The following SMG6 variants were observed in gnomAD, a reference collection of about 807,000 sequenced individuals.
SMG6 encodes telomerase-binding protein EST1A.
SMG6 carries 66 observed loss-of-function variants against 142.2 expected under a neutral mutation model. The ratio of observed to expected loss-of-function variants is 0.46; its 90% confidence interval spans 0.38 to 0.57. The LOEUF is 0.57. Among genes scored for constraint, SMG6 ranks in the 20% least tolerant of loss-of-function variants. The probability of loss-of-function intolerance (pLI) is 0.00; values close to 1 mark genes in which losing one functional copy is unlikely to be tolerated. For missense variants in SMG6, 1,793 were observed against 1,832.0 expected (o/e 0.98, Z 0.39); for synonymous variants, 779 against 702.4 (o/e 1.11, Z -1.72).
At chr17:2,188,727 C>G (rs1362454401) in intron 10 of SMG6, among the ~76,000 whole-genome samples, 1 of 152,172 alleles carries the variant, frequency 6.6e-6, no homozygotes, top group East Asian at 1.9e-4. Flanking sequence ...ATAAGGGTCA[C>G]CTCTGTCAAT....
chr17:2,231,666 C>T (rs1274590320), intron 10 of SMG6, among the ~76,000 whole-genome samples: 5 of 152,176 alleles, frequency 3.3e-5, no homozygotes, highest in Admixed American at 6.5e-5. Context: ...CACTGCACTC[C>T]AGCCTGGGCG....
At chr17:2,180,022 C>T (rs1200148139) in intron 12 of SMG6, among the ~76,000 whole-genome samples, 1 of 152,196 alleles carries the variant, frequency 6.6e-6, no homozygotes, top group African/African-American at 2.4e-5. Flanking sequence ...GATTTGGCCT[C>T]AGCAGAGACT....
chr17:2,300,057 G>T lies in SMG6; in HGVS notation c.696C>A (p.Asp232Glu). ...KGEGVRETHD[D>E]PARGRPGSAK... is the part of the protein sequence containing the mutation. ...CGGAGCCCGGCCTCCCGCGGGCTGG[G>T]TCGTCGTGGGTTTCCCTCACCCCCT... The change falls in exon 2 of 19, where the codon GAC (aspartate) becomes GAA (glutamate). Residue 232 changes from aspartate (D) to glutamate (E), a missense_variant. This residue lies in a region of SMG6 where 1,597 missense variants were observed against 1,584.6 expected (regional missense o/e 1.01). Coordinates refer to ENST00000263073, the MANE Select transcript of SMG6 (RefSeq NM_017575.5). 1 of 1,614,176 alleles carries T rather than the reference G, an allele frequency of 6.2e-7. No homozygotes were observed. The highest frequency in any genetic ancestry group is 8.5e-7 in the Non-Finnish European group (1 of 1,180,020).
At chr17:2,265,509 C>CA (rs375177968) in intron 8 of SMG6, among the ~76,000 whole-genome samples, 3,385 of 142,528 alleles carry the variant, frequency 0.024, 137 homozygotes, top group African/African-American at 0.08. Flanking sequence ...GACTGCCTCT[C>CA]AAAAAAAAAA....
At chr17:2,196,283 G>A (rs1244491649) in intron 10 of SMG6, among the ~76,000 whole-genome samples, 4 of 152,116 alleles carry the variant, frequency 2.6e-5, no homozygotes, top group East Asian at 1.9e-4. Context: ...TTAGCTGGGC[G>A]TGGCGGCGCG....
chr17:2,098,135 C>T (rs1321633571), intron 13 of SMG6, among the ~76,000 whole-genome samples: 3 of 152,164 alleles, frequency 2.0e-5, no homozygotes, highest in Admixed American at 2.0e-4. Context: ...ACTACAAGCA[C>T]GTGCCACCAC....
rs117838205 is a variant in SMG6 at position 2,128,598 on chromosome 17, T to C, written c.3358-42697A>G. Among the ~76,000 whole-genome samples the C allele has an allele frequency of 9.3e-3, 1,413 of 152,186 alleles. 10 individuals carry two copies. Among genetic ancestry groups the C allele is most frequent in the Non-Finnish European group, 0.016 (1,065 of 67,994 alleles). On this transcript the variant is annotated intron_variant, in intron 13 of 18. Transcript: ENST00000263073. Reference sequence around the variant, plus strand: ...CTCTCCAAGCATTGTATACCCACTATTGCAAACTTGAGGTCAGGAGTTCGA... The same window carrying C: ...CTCTCCAAGCATTGTATACCCACTACTGCAAACTTGAGGTCAGGAGTTCGA...
chr17:2,191,443 G>C (rs926226651), intron 10 of SMG6, among the ~76,000 whole-genome samples: 8 of 152,158 alleles, frequency 5.3e-5, no homozygotes, highest in African/African-American at 1.9e-4. Flanking sequence ...GATGTGGGGT[G>C]GGGGAGGAAA....
chr17:2,237,794 T>A (rs2073704561), intron 9 of SMG6, among the ~76,000 whole-genome samples: 1 of 152,068 alleles, frequency 6.6e-6, no homozygotes, highest in Non-Finnish European at 1.5e-5. Context: ...ACAGCTGAAG[T>A]CTTCAGAAAT....
At position 2,300,726 on chromosome 17, in the gene SMG6, T is replaced by C. The variant is rs990307956; in HGVS notation, c.89-62A>G. On this transcript the variant is annotated intron_variant, in intron 1 of 18. Transcript: ENST00000263073. The stretch of plus-strand genomic sequence containing the variant: ...AGAAGATAAGAATAAAGAAGGAAGA[T>C]AGGGGAAAGACTGTCATTCTGGTTA... 4.9e-6 allele frequency: 7 copies of C among 1,423,486 alleles called. No individual in the cohort carries two copies. The Admixed American group carries it at 9.5e-5, about 19-fold the overall frequency. The allele number at this position is 1,423,486 out of a possible 1,614,324, so 88.2% of individuals were successfully genotyped here.
intron 13 of SMG6, among the ~76,000 whole-genome samples, chr17:2,119,409 G>A (rs745493419): frequency 3.4e-4 from 51 of 152,020 alleles, no homozygotes; most frequent in Admixed American, 5.9e-4. Flanking sequence ...GGCCAGGCTG[G>A]TCTCGAACTC....
chr17:2,097,419 A>C (rs1041273794), intron 13 of SMG6, among the ~76,000 whole-genome samples: 3 of 152,162 alleles, frequency 2.0e-5, no homozygotes, highest in African/African-American at 7.2e-5. Flanking sequence ...GATAGGCATG[A>C]GTCACCACGT....
intron 5 of SMG6, 93 bp from the exon 6 acceptor site, chr17:2,292,723 A>C: frequency 6.6e-7 from 1 of 1,514,860 alleles, no homozygotes; most frequent in Non-Finnish European, 9.2e-7. Context: ...CATAAGGTAG[A>C]GTGTTAGATG....
At chr17:2,221,813 G>A (rs1038748396) in intron 10 of SMG6, among the ~76,000 whole-genome samples, 5 of 152,108 alleles carry the variant, frequency 3.3e-5, no homozygotes, top group African/African-American at 7.2e-5. Flanking sequence ...GGGTGATCTC[G>A]GCTCACTGCA....
chr17:2,291,802 T>C (rs1005459733), intron 6 of SMG6, among the ~76,000 whole-genome samples: 1 of 150,330 alleles, frequency 6.7e-6, no homozygotes, highest in Non-Finnish European at 1.5e-5. Context: ...AGCCAGTAGT[T>C]TGCGTCACTG....
rs995811318 is a variant in SMG6, at chr17:2,069,952, G to A, written c.3682-1021C>T. 6.6e-5 allele frequency among the ~76,000 whole-genome samples: 10 copies of A among 152,016 alleles called. No homozygotes were observed. In the East Asian group the frequency reaches 1.2e-3, roughly 18 times the overall value. ...TAGCCTCTTCTTCAGCAACCATATC[G>A]TGGTACTAAGCAATTGACAGCCTAG... On this transcript the variant is annotated intron_variant, in intron 15 of 18. Transcript: ENST00000263073.
chr17:2,276,525 C>G (rs1261782873), intron 8 of SMG6, among the ~76,000 whole-genome samples: 1 of 152,192 alleles, frequency 6.6e-6, no homozygotes, highest in East Asian at 1.9e-4. Context: ...GCTGGGATTA[C>G]AGGCATACGT....
chr17:2,220,655 G>A (rs1401093206), intron 10 of SMG6, among the ~76,000 whole-genome samples: 3 of 152,102 alleles, frequency 2.0e-5, no homozygotes, highest in East Asian at 3.8e-4. Flanking sequence ...ATGAGAACAT[G>A]ATTCAGTTTA....
At chr17:2,224,801 A>C (rs1413998583) in intron 10 of SMG6, among the ~76,000 whole-genome samples, 2 of 152,218 alleles carry the variant, frequency 1.3e-5, no homozygotes, top group Non-Finnish European at 2.9e-5. Context: ...ATAATTTTTA[A>C]AAATCCAAAC....
Sources: allele counts gnomAD v4.1 joint callset (sites outside exome capture counted in the v4.1 genomes callset), GRCh38; gene constraint gnomAD v4.1.1; regional missense constraint gnomAD v4.1.1; transcripts MANE v1.5; gene names NCBI Gene and HGNC (gene_info 2026-07-23, HGNC 2026-07-21).